The following ANKRD31 variants were observed in gnomAD, a reference collection of about 807,000 sequenced individuals.
ANKRD31 encodes ankyrin repeat domain-containing protein 31.
In ANKRD31, 147 loss-of-function variants were observed where a neutral mutation model predicts 186.0. That is an observed-to-expected ratio of 0.79 (90% CI 0.69 to 0.91). The LOEUF is 0.91. Ranked by LOEUF, ANKRD31 falls within the 40% of genes least tolerant of loss-of-function variation. The probability of loss-of-function intolerance (pLI) is 0.00; values close to 1 mark genes in which losing one functional copy is unlikely to be tolerated. For missense variants in ANKRD31, 1,986 were observed against 2,148.8 expected, an observed-to-expected ratio of 0.92 and a Z score of 1.50; for synonymous variants, 673 against 736.4, an observed-to-expected ratio of 0.91 and a Z score of 1.39.
chr5:75,093,042 TAC>T (rs142358759), intron 22 of ANKRD31, among the ~76,000 whole-genome samples: 2,618 of 152,142 alleles, frequency 0.017, 21 homozygotes, highest in Non-Finnish European at 0.027. Context: ...AAGATATTGA[TAC>T]AGAGTATGCA....
intron 5 of ANKRD31, among the ~76,000 whole-genome samples, chr5:75,200,065 T>G (rs911478925): frequency 6.6e-6 from 1 of 152,120 alleles, no homozygotes; most frequent in Non-Finnish European, 1.5e-5. Flanking sequence ...TCATGCTGTC[T>G]GGAGTTAGGC....
intron 23 of ANKRD31, among the ~76,000 whole-genome samples, chr5:75,084,747 C>T (rs1032440251): frequency 7.9e-5 from 12 of 152,178 alleles, no homozygotes; most frequent in Non-Finnish European, 1.5e-4. Flanking sequence ...ATTAATCCAG[C>T]ATCTGCTACT....
At chr5:75,163,200 G>A (rs1431605023) in intron 11 of ANKRD31, among the ~76,000 whole-genome samples, 4 of 152,098 alleles carry the variant, frequency 2.6e-5, no homozygotes, top group Non-Finnish European at 5.9e-5. Context: ...GAAATGCTTG[G>A]GACCAGCAGT....
rs1745904032 is a variant in ANKRD31 at position 75,091,312 on chromosome 5, C to T, written c.5421G>A (p.Lys1807=). The change falls in exon 23 of 26, where the codon AAG becomes AAA. Residue 1807 remains lysine, a synonymous_variant. Coordinates refer to ENST00000506364, the MANE Select transcript of ANKRD31 (RefSeq NM_001372053.1). ...QIYKNPVTWL[K]DLLGGNSYVT... The stretch of plus-strand genomic sequence containing the variant: ...CATAACTGTTGCCTCCCAGAAGATC[C>T]TTGAGCCAGGTGACTGGGTTTTTAT... 6.5e-7 allele frequency: 1 copy of T among 1,537,090 alleles called. No homozygotes were observed. The highest frequency in any genetic ancestry group is 2.0e-5 in the Admixed American group (1 of 50,984).
chr5:75,151,203 C>T (rs936584670), intron 12 of ANKRD31, among the ~76,000 whole-genome samples: 1 of 152,002 alleles, frequency 6.6e-6, no homozygotes, highest in Non-Finnish European at 1.5e-5. Context: ...ACTCTCACGA[C>T]TGGTTGTTAG....
chr5:75,180,874 T>A (rs1754230911), intron 10 of ANKRD31, among the ~76,000 whole-genome samples: 1 of 152,030 alleles, frequency 6.6e-6, no homozygotes, highest in Non-Finnish European at 1.5e-5. Flanking sequence ...AAGCCAAAAC[T>A]GACAAATGGG....
chr5:75,202,142 G>T (rs1755861639), intron 5 of ANKRD31, among the ~76,000 whole-genome samples: 1 of 152,118 alleles, frequency 6.6e-6, no homozygotes, highest in Non-Finnish European at 1.5e-5. Flanking sequence ...ACCACCTTGG[G>T]CACATGTTCT....
At chr5:75,159,219 T>C (rs1752411948) in intron 11 of ANKRD31, among the ~76,000 whole-genome samples, 1 of 151,858 alleles carries the variant, frequency 6.6e-6, no homozygotes, top group Non-Finnish European at 1.5e-5. Flanking sequence ...GAAAAATGAA[T>C]AGAACATCAG....
rs1367838480 is a variant in ANKRD31, at chr5:75,137,932, G to A, written c.3800C>T (p.Ala1267Val). ...ATTTTCACAATTAACCTTAGCACCA[G>A]CTTTTAATAACTCTACAATTATATC... ...SIDIIVELLK[A>V]GAKVNCENID... The change falls in exon 17 of 26, where the codon GCT (alanine) becomes GTT (valine). Residue 1267 changes from alanine to valine, a missense_variant. Coordinates refer to ENST00000506364, the MANE Select transcript of ANKRD31 (RefSeq NM_001372053.1). 5 of 1,533,160 alleles carry A rather than the reference G, an allele frequency of 3.3e-6. No individual in the cohort carries two copies. In the South Asian group the frequency reaches 6.0e-5, roughly 18 times the overall value. The allele number at this position is 1,533,160 out of a possible 1,614,324, so 95.0% of individuals were successfully genotyped here.
chr5:75,202,531 C>A (rs186713024), intron 5 of ANKRD31, among the ~76,000 whole-genome samples: 64 of 152,234 alleles, frequency 4.2e-4, no homozygotes, highest in Middle Eastern at 3.4e-3. Context: ...GCATCAAATT[C>A]AAAGAAAATG....
At chr5:75,207,920 TA>T (rs143434583) in intron 4 of ANKRD31, among the ~76,000 whole-genome samples, 9,433 of 152,164 alleles carry the variant, frequency 0.062, 366 homozygotes, top group Middle Eastern at 0.13. Flanking sequence ...TTTATACTCT[TA>T]AAAATTATTG....
At chr5:75,141,139 T>A in intron 15 of ANKRD31, among the ~76,000 whole-genome samples, 1 of 152,164 alleles carries the variant, frequency 6.6e-6, no homozygotes, top group Non-Finnish European at 1.5e-5. Context: ...TTCCTAAATG[T>A]CATCAACCAT....
intron 10 of ANKRD31, among the ~76,000 whole-genome samples, chr5:75,183,310 A>C (rs1437750111): frequency 1.3e-5 from 2 of 152,186 alleles, no homozygotes; most frequent in African/African-American, 4.8e-5. Context: ...AGCTACCTTC[A>C]TATGAAACAG....
intron 1 of ANKRD31, 104 bp from the exon 2 acceptor site, chr5:75,230,739 A>C (rs1446053114): frequency 9.5e-6 from 7 of 740,716 alleles, no homozygotes; most frequent in African/African-American, 5.3e-5. Context: ...TAAAATTCTT[A>C]GTTATACCAC....
At chr5:75,085,754 T>G (rs1488465096) in intron 23 of ANKRD31, among the ~76,000 whole-genome samples, 2 of 152,128 alleles carry the variant, frequency 1.3e-5, no homozygotes, top group Admixed American at 1.3e-4. Flanking sequence ...CCTCAATTTG[T>G]GTTTGTAAAA....
chr5:75,101,512 A>C (rs533057835), intron 22 of ANKRD31, among the ~76,000 whole-genome samples: 23 of 152,112 alleles, frequency 1.5e-4, no homozygotes, highest in Admixed American at 9.2e-4. Flanking sequence ...TAATATCCTG[A>C]AGAGTGTTTT....
chr5:75,142,581 A>T (rs1199241655), intron 15 of ANKRD31, among the ~76,000 whole-genome samples: 2 of 152,026 alleles, frequency 1.3e-5, no homozygotes, highest in Non-Finnish European at 2.9e-5. Flanking sequence ...TGGTCTGCTT[A>T]GTTTACTTTG....
Position 75,137,868 on chromosome 5 carries a change from G to A in ANKRD31, c.3864C>T (p.Asn1288=). Residue 1288 remains asparagine, a synonymous_variant, in exon 17 of 26, where the codon AAC becomes AAT. Coordinates refer to ENST00000506364, the MANE Select transcript of ANKRD31 (RefSeq NM_001372053.1). Reference sequence around the variant, plus strand: ...ATGTGCACTGTACCTTTAAATGATTGTTTGCAACAGCATCATGTAAGGGCA... The same window carrying A: ...ATGTGCACTGTACCTTTAAATGATTATTTGCAACAGCATCATGTAAGGGCA... ...GILPLHDAVA[N]NHLKAAEILL... 6.6e-7 allele frequency: 1 copy of A among 1,525,532 alleles called. No homozygotes were observed. 94.5% of individuals were successfully genotyped at this position (1,525,532 alleles called of 1,614,324 possible). A position where few individuals can be genotyped will look rare whatever the true frequency, so the allele number is the denominator to read the frequency against.
chr5:75,170,635 T>TA (rs1182901706), intron 10 of ANKRD31, among the ~76,000 whole-genome samples: 1 of 152,100 alleles, frequency 6.6e-6, no homozygotes, highest in Non-Finnish European at 1.5e-5. Flanking sequence ...ACCCAATAGA[T>TA]AGTTTTTCAA....
Sources: allele counts gnomAD v4.1 joint callset (sites outside exome capture counted in the v4.1 genomes callset), GRCh38; gene constraint gnomAD v4.1.1; transcripts MANE v1.5; gene names NCBI Gene and HGNC (gene_info 2026-07-23, HGNC 2026-07-21).